PCCA: variants seen among roughly 807,000 people sequenced by gnomAD.
The protein encoded by PCCA is propionyl-CoA carboxylase subunit alpha, also known as propionyl-CoA carboxylase alpha chain, mitochondrial.
Under a neutral mutation model 101.3 loss-of-function variants are expected in PCCA, and 74 were observed. The ratio of observed to expected loss-of-function variants is 0.73; its 90% CI spans 0.61 to 0.89. PCCA has a LOEUF of 0.89. PCCA is among the 40% of genes least tolerant of loss of function. PCCA has a pLI of 0.00. For synonymous variants in PCCA, 294 were observed against 313.6 expected (o/e 0.94, Z 0.66); for missense variants, 891 against 907.0 (o/e 0.98, Z 0.23).
At chr13:100,466,144 C>CT (rs1194038329) in intron 21 of PCCA, 33 of 152,358 alleles carry the variant, frequency 2.2e-4, no homozygotes, top group Middle Eastern at 3.4e-3. Flanking sequence ...ATACCTTATT[C>CT]TAGAAGCTGC....
chr13:100,354,176 T>C (rs1367876559), intron 18 of PCCA, among the ~76,000 whole-genome samples: 4 of 149,654 alleles, frequency 2.7e-5, no homozygotes, highest in Non-Finnish European at 5.9e-5. Flanking sequence ...CTAAGAAGGC[T>C]GAGGTGGGAG....
chr13:100,300,956 T>G (rs115087842), intron 12 of PCCA, among the ~76,000 whole-genome samples: 2,199 of 152,280 alleles, frequency 0.014, 52 homozygotes, highest in African/African-American at 0.051. Context: ...TCCCTTCTGC[T>G]ACACTGCCTC....
chr13:100,141,220 A>G (rs908917526), intron 4 of PCCA, among the ~76,000 whole-genome samples: 3 of 151,904 alleles, frequency 2.0e-5, no homozygotes, highest in African/African-American at 7.3e-5. Context: ...CTTTTCATAC[A>G]CTTTATTTTC....
In PCCA at chr13:100,341,979, A is replaced by ATATATATATATATATATATATATATG. The variant is rs966272516; in HGVS notation, c.1643+1723_1643+1724insATATATATATATATATATATATGTAT. Among the ~76,000 whole-genome samples, 19 of 114,502 alleles carry ATATATATATATATATATATATATATG rather than the reference A, an allele frequency of 1.7e-4. No homozygotes were observed. The East Asian group carries it at 1.8e-3, about 11-fold the overall frequency. 75.1% of individuals were successfully genotyped at this position (114,502 alleles called of 152,430 possible). On this transcript the variant is annotated intron_variant, in intron 18 of 23. Coordinates refer to ENST00000376285, the MANE Select transcript of PCCA (RefSeq NM_000282.4). ...AAAGTATATATATATATATATATAT[A>ATATATATATATATATATATATATATG]TATGTATTTATGTGTGTGTATATAT...
intron 21 of PCCA, among the ~76,000 whole-genome samples, chr13:100,483,368 G>A (rs1263908319): frequency 1.3e-5 from 2 of 152,230 alleles, no homozygotes; most frequent in East Asian, 1.9e-4. Flanking sequence ...CCATGTGTCC[G>A]GCGCTGTCCT....
intron 21 of PCCA, among the ~76,000 whole-genome samples, chr13:100,497,226 T>C (rs778203752): frequency 9.2e-5 from 14 of 152,348 alleles, no homozygotes; most frequent in South Asian, 2.1e-4. Context: ...TTCCTTCTCT[T>C]AGAAAATAAA....
chr13:100,364,883 C>T (rs2075010851), intron 18 of PCCA, among the ~76,000 whole-genome samples: 1 of 151,954 alleles, frequency 6.6e-6, no homozygotes, highest in African/African-American at 2.4e-5. Flanking sequence ...AGATCCACCC[C>T]ATCTCTTAAA....
intron 19 of PCCA, among the ~76,000 whole-genome samples, chr13:100,416,649 T>C (rs2078387069): frequency 6.6e-6 from 1 of 151,668 alleles, no homozygotes; most frequent in South Asian, 2.1e-4. Flanking sequence ...CTCAGCCGCC[T>C]GAGTAACTGG....
chr13:100,477,682 A>G (rs987952992), intron 21 of PCCA, among the ~76,000 whole-genome samples: 1 of 152,170 alleles, frequency 6.6e-6, no homozygotes, highest in African/African-American at 2.4e-5. Flanking sequence ...GCAAGTTTGG[A>G]CAGTATACGG....
chr13:100,456,551 C>T (rs939129094), intron 21 of PCCA, among the ~76,000 whole-genome samples: 1 of 152,104 alleles, frequency 6.6e-6, no homozygotes, highest in African/African-American at 2.4e-5. Context: ...AGTACAAGAC[C>T]AGGGGGCAGG....
chr13:100,262,970 G>A, intron 10 of PCCA, 139 bp downstream of exon 10: 1 of 578,834 alleles, frequency 1.7e-6, no homozygotes, highest in East Asian at 3.0e-5. Context: ...AAAGTGCTAG[G>A]ATGTTGGTTG....
At chr13:100,494,693 T>A (rs1015565964) in intron 21 of PCCA, among the ~76,000 whole-genome samples, 23 of 123,224 alleles carry the variant, frequency 1.9e-4, no homozygotes, top group East Asian at 5.3e-4. Context: ...AAAAAAAAAA[T>A]TTTGTAATTC....
chr13:100,151,061 CTCCG>C, intron 4 of PCCA: 3 of 1,554,186 alleles, frequency 1.9e-6, no homozygotes, highest in Non-Finnish European at 1.8e-6. Flanking sequence ...CTGCTGCTTT[CTCCG>C]TAGCTCCTGG....
intron 21 of PCCA, among the ~76,000 whole-genome samples, chr13:100,506,057 G>T (rs965037560): frequency 6.6e-6 from 1 of 152,192 alleles, no homozygotes; most frequent in African/African-American, 2.4e-5. Flanking sequence ...ACATCTGTCT[G>T]AGAAGGAGGT....
chr13:100,498,704 T>G (rs923557802), intron 21 of PCCA, among the ~76,000 whole-genome samples: 9 of 152,170 alleles, frequency 5.9e-5, no homozygotes, highest in African/African-American at 1.9e-4. Context: ...TGCGTGTGAC[T>G]TCTTCCACTC....
At chr13:100,146,534 C>G (rs1007087250) in intron 4 of PCCA, among the ~76,000 whole-genome samples, 1 of 149,880 alleles carries the variant, frequency 6.7e-6, no homozygotes, top group Non-Finnish European at 1.5e-5. Flanking sequence ...AAGATCGTGC[C>G]ACTGCACTCC....
intron 2 of PCCA, among the ~76,000 whole-genome samples, chr13:100,103,496 G>C (rs1366077482): frequency 1.3e-5 from 2 of 151,758 alleles, no homozygotes; most frequent in Admixed American, 1.3e-4. Context: ...ATTTTTAGTA[G>C]AGATGGGGTT....
chr13:100,163,297 T>A (rs1243223861), intron 6 of PCCA, among the ~76,000 whole-genome samples: 1 of 152,236 alleles, frequency 6.6e-6, no homozygotes, highest in Non-Finnish European at 1.5e-5. Flanking sequence ...CCTATGTATC[T>A]ATTAGCTCAT....
intron 6 of PCCA, among the ~76,000 whole-genome samples, chr13:100,207,784 C>T (rs1039272957): frequency 1.3e-5 from 2 of 151,806 alleles, no homozygotes; most frequent in South Asian, 2.1e-4. Context: ...CTTTGGGAGG[C>T]GGAGGCTGGT....
Sources: allele counts gnomAD v4.1 joint callset (sites outside exome capture counted in the v4.1 genomes callset), GRCh38; gene constraint gnomAD v4.1.1; transcripts MANE v1.5; gene names NCBI Gene and HGNC (gene_info 2026-07-23, HGNC 2026-07-21).